RSL1D1: variants seen among roughly 807,000 people sequenced by gnomAD.
RSL1D1 encodes the protein ribosomal L1 domain containing 1, also known as ribosomal L1 domain-containing protein 1.
A neutral mutation model predicts 44.6 loss-of-function variants in RSL1D1; 34 were observed. That is an observed-to-expected ratio of 0.76 (90% confidence interval 0.58 to 1.02). The LOEUF (loss-of-function observed/expected upper bound fraction) is 1.02. RSL1D1 is among the 50% of genes least tolerant of loss of function. The pLI is 0.00. For synonymous variants in RSL1D1, 271 were observed against 207.4 expected, an observed-to-expected ratio of 1.31 and a Z score of -2.63; for missense variants, 767 against 568.1, an observed-to-expected ratio of 1.35 and a Z score of -3.56.
intron 1 of RSL1D1, 179 bp downstream of exon 1, chr16:11,851,229 G>A (rs1413221711): frequency 4.5e-6 from 3 of 665,150 alleles, no homozygotes; most frequent in East Asian, 2.7e-5. Context: ...CAGGACCAGG[G>A]AAAGCAGGCG....
chr16:11,844,881 A>C (rs1026144783), intron 5 of RSL1D1, among the ~76,000 whole-genome samples: 3 of 152,140 alleles, frequency 2.0e-5, no homozygotes, highest in African/African-American at 7.2e-5. Flanking sequence ...CCAATAATAC[A>C]AACTTAAGTC....
chr16:11,845,157 A>C (rs1224906402), intron 5 of RSL1D1, among the ~76,000 whole-genome samples: 1 of 152,234 alleles, frequency 6.6e-6, no homozygotes, highest in Non-Finnish European at 1.5e-5. Flanking sequence ...TGGTGCTTTT[A>C]AAGGACAATC....
rs1322625888 is a variant in RSL1D1, at chr16:11,835,688, A to T, written c.*2099T>A. ...TTTGGTAAAGATGGGGTTTTGCCAT[A>T]TTGCCCAGGATGGTCTCGAACTCCT... On this transcript the variant is annotated 3_prime_UTR_variant, in exon 9 of 9. Coordinates refer to ENST00000571133, the MANE Select transcript of RSL1D1 (RefSeq NM_015659.3). The T allele has an allele frequency of 6.6e-6, 1 of 152,152 alleles. No individual in the cohort carries two copies. The highest frequency in any genetic ancestry group is 1.5e-5 in the Non-Finnish European group (1 of 68,048). The allele number at this position is 152,152 out of a possible 1,614,324, so 9.4% of individuals were successfully genotyped here.
intron 2 of RSL1D1, among the ~76,000 whole-genome samples, chr16:11,848,591 C>A (rs772553135): frequency 2.0e-5 from 3 of 152,128 alleles, no homozygotes; most frequent in Non-Finnish European, 2.9e-5. Flanking sequence ...GTGGTGTGAT[C>A]ATAGCTCACG....
At chr16:11,850,212 C>A in intron 2 of RSL1D1, 67 bp downstream of exon 2, 3 of 1,419,808 alleles carry the variant, frequency 2.1e-6, no homozygotes, top group Non-Finnish European at 2.8e-6. Context: ...AACCATGATG[C>A]AATTGTTCGA....
Position 11,839,684 on chromosome 16 carries a change from T to G in RSL1D1, c.1146+11A>C. 1.9e-6 allele frequency: 3 copies of G among 1,613,408 alleles called. No individual in the cohort carries two copies. In the South Asian group the frequency reaches 3.3e-5, roughly 18 times the overall value. On this transcript the variant is annotated intron_variant, in intron 8 of 8. Coordinates refer to ENST00000571133, the MANE Select transcript of RSL1D1 (RefSeq NM_015659.3). ...CCAATCCATTATGAACAGTAAATAT[T>G]AAAACAATACCTCTACTTTTTCATT...
intron 8 of RSL1D1, 80 bp downstream of exon 8, chr16:11,839,615 T>C: frequency 6.5e-7 from 1 of 1,536,268 alleles, no homozygotes; most frequent in Middle Eastern, 1.8e-4. Flanking sequence ...TTTTTCATCA[T>C]TTATTGCTCA....
intron 1 of RSL1D1, among the ~76,000 whole-genome samples, chr16:11,850,696 G>C (rs1218996615): frequency 6.6e-6 from 1 of 152,190 alleles, no homozygotes; most frequent in Non-Finnish European, 1.5e-5. Flanking sequence ...GATTGGGCTA[G>C]AGGGAAACGT....
At position 11,846,826 on chromosome 16, in the gene RSL1D1, A is replaced by C. The variant is rs1335385391; in HGVS notation, c.402T>G (p.Thr134=). ...CATAGGATTTATATTCCTTCTTTAG[A>C]GTTTGGAGGGAGATAATCTAGGAAG... ...KTVSQIISLQ[T]LKKEYKSYEA... is the part of the protein sequence containing the mutation. The change falls in exon 4 of 9, where the codon ACT becomes ACG. Residue 134 remains threonine, a synonymous_variant. Coordinates refer to ENST00000571133, the MANE Select transcript of RSL1D1 (RefSeq NM_015659.3). The C allele has an allele frequency of 1.2e-6, 2 of 1,610,304 alleles. No individual in the cohort carries two copies. The highest frequency in any genetic ancestry group is 1.7e-6 in the Non-Finnish European group (2 of 1,176,954).
At chr16:11,851,223 A>T in intron 1 of RSL1D1, 185 bp downstream of exon 1, 1 of 657,498 alleles carries the variant, frequency 1.5e-6, no homozygotes, top group Non-Finnish European at 2.8e-6. Flanking sequence ...AGGCCGCAGG[A>T]CCAGGGAAAG....
At chr16:11,841,672 T>C (rs1319673203) in intron 7 of RSL1D1, 23 bp downstream of exon 7, 1 of 1,599,660 alleles carries the variant, frequency 6.3e-7, no homozygotes, top group Non-Finnish European at 8.5e-7. Flanking sequence ...ATTCATTCTG[T>C]AAGTATTTAA....
chr16:11,839,846 T>G lies in RSL1D1; in HGVS notation c.995A>C (p.Lys332Thr). The change falls in exon 8 of 9, where the codon AAA (lysine) becomes ACA (threonine). Residue 332 changes from lysine (K) to threonine (T), a missense_variant. Coordinates refer to ENST00000571133, the MANE Select transcript of RSL1D1 (RefSeq NM_015659.3). ...GGTCTGTTCCTTCTTTGATTCAGGT[T>G]TCTTCACTGTAGTATCACCACTTTC... ...APESGDTTVK[K>T]PESKKEQTPE... The G allele has an allele frequency of 6.2e-7, 1 of 1,614,208 alleles. No individual in the cohort carries two copies. Among genetic ancestry groups the G allele is most frequent in the Non-Finnish European group, 8.5e-7 (1 of 1,180,040 alleles).
Position 11,841,796 on chromosome 16 carries a change from A to C in RSL1D1, c.754T>G (p.Phe252Val). The change falls in exon 7 of 9, where the codon TTT (phenylalanine) becomes GTT (valine). Residue 252 changes from phenylalanine to valine, a missense_variant. By Grantham distance (50) the Phe-to-Val change is conservative. Transcript: ENST00000571133. ...PEKWESVKLL[F>V]VKTEKSAALP... ...GCAGCCGATTTCTCAGTTTTCACAA[A>C]CAGGAGTTTCACGCTCTCCCACTTC... 6.2e-7 allele frequency: 1 copy of C among 1,614,052 alleles called. No homozygotes were observed. The highest frequency in any genetic ancestry group is 2.2e-5 in the East Asian group (1 of 44,874).
In RSL1D1 at chr16:11,850,376, T is replaced by C. The variant is rs1321380919; in HGVS notation, c.148A>G (p.Arg50Gly). 7 of 1,601,340 alleles carry C rather than the reference T, an allele frequency of 4.4e-6. No individual in the cohort carries two copies. Among genetic ancestry groups the C allele is most frequent in the African/African-American group, 4.0e-5 (3 of 74,126 alleles). Residue 50 changes from arginine to glycine, a missense_variant, in exon 2 of 9, where the codon AGG becomes GGG. Physicochemically the swap from Arg to Gly is moderately radical, Grantham distance 125 (BLOSUM62 -2). Coordinates refer to ENST00000571133, the MANE Select transcript of RSL1D1 (RefSeq NM_015659.3). Reference protein sequence around the residue: ...VDALLTHCKSRKNNYGLLLNE... With the variant: ...VDALLTHCKSGKNNYGLLLNE... The stretch of plus-strand genomic sequence containing the variant: ...AAAAGCAACCCATAATTGTTTTTCC[T>C]GGACTTGCAATGCGTCAAGAGAGCG...
chr16:11,840,106 C>G (rs2053755001), intron 7 of RSL1D1, 121 bp from the exon 8 acceptor site: 1 of 1,452,538 alleles, frequency 6.9e-7, no homozygotes, highest in Non-Finnish European at 9.2e-7. Context: ...TCGATCTATA[C>G]AGAGAACAAA....
intron 3 of RSL1D1, among the ~76,000 whole-genome samples, chr16:11,847,386 T>G (rs111516522): frequency 6.6e-6 from 1 of 151,740 alleles, no homozygotes; most frequent in African/African-American, 2.4e-5. Flanking sequence ...ACAAAAAAAC[T>G]TAGATACCTT....
intron 2 of RSL1D1, among the ~76,000 whole-genome samples, chr16:11,848,836 C>T (rs1350503810): frequency 6.7e-6 from 1 of 148,896 alleles, no homozygotes; most frequent in Non-Finnish European, 1.5e-5. Context: ...GTCTCACTGT[C>T]GCCCAGGCTG....
intron 7 of RSL1D1, among the ~76,000 whole-genome samples, chr16:11,840,193 T>C (rs2053755587): frequency 6.6e-6 from 1 of 152,208 alleles, no homozygotes; most frequent in African/African-American, 2.4e-5. Flanking sequence ...GTAAATTATA[T>C]ACCGGCATTT....
intron 5 of RSL1D1, among the ~76,000 whole-genome samples, chr16:11,846,019 C>T (rs1419100795): frequency 1.3e-5 from 2 of 151,866 alleles, no homozygotes; most frequent in Non-Finnish European, 2.9e-5. Context: ...AGGCATAAGC[C>T]ACTGCACCTG....
Sources: allele counts gnomAD v4.1 joint callset (sites outside exome capture counted in the v4.1 genomes callset), GRCh38; gene constraint gnomAD v4.1.1; transcripts MANE v1.5; gene names NCBI Gene and HGNC (gene_info 2026-07-23, HGNC 2026-07-21).